The following FAM149B1 variants were observed in gnomAD, a reference collection of about 807,000 sequenced individuals.
The protein encoded by FAM149B1 is family with sequence similarity 149 member B1.
Under a neutral mutation model 75.3 loss-of-function variants are expected in FAM149B1, and 56 were observed. The ratio of observed to expected loss-of-function variants is 0.74; its 90% confidence interval spans 0.60 to 0.93. FAM149B1 has a LOEUF of 0.93. Among genes scored for constraint, FAM149B1 ranks in the 40% least tolerant of loss-of-function variants. The pLI, the probability that FAM149B1 is intolerant of heterozygous loss-of-function variation, is 0.00. For synonymous variants in FAM149B1, 259 were observed against 256.1 expected (o/e 1.01, Z -0.11); for missense variants, 639 against 708.4 (o/e 0.90, Z 1.11).
chr10:73,198,746 A>G (rs183645173), intron 5 of FAM149B1, among the ~76,000 whole-genome samples: 211 of 152,320 alleles, frequency 1.4e-3, no homozygotes, highest in African/African-American at 4.9e-3. Context: ...CGGAGGTTGC[A>G]GTGAGTCGAG....
chr10:73,242,433 TG>T lies in FAM149B1; in HGVS notation c.*1415del, dbSNP rs1378945958. ...AAAGTTAAAGAATCAGAAAGGGGCC[TG>T]TAAGAAGTCATTTAGCCCAATTCCC... On this transcript the variant is annotated 3_prime_UTR_variant, in exon 14 of 14. Transcript: ENST00000242505. 6.6e-6 allele frequency: 1 copy of T among 152,214 alleles called. No homozygotes were observed. The highest frequency in any genetic ancestry group is 2.4e-5 in the African/African-American group (1 of 41,462). 9.4% of individuals were successfully genotyped at this position (152,214 alleles called of 1,614,324 possible).
At chr10:73,174,203 G>T (rs1843840645) in intron 1 of FAM149B1, among the ~76,000 whole-genome samples, 1 of 152,094 alleles carries the variant, frequency 6.6e-6, no homozygotes, top group Non-Finnish European at 1.5e-5. Context: ...CTAGGGCTCT[G>T]GGTAAATGCA....
In FAM149B1 at chr10:73,243,230, T is replaced by C. The variant is rs979950599; in HGVS notation, c.*2211T>C. 5.2e-5 allele frequency: 35 copies of C among 676,208 alleles called. No homozygotes were observed. The highest frequency in any genetic ancestry group is 7.4e-5 in the Non-Finnish European group (30 of 404,272). The allele number at this position is 676,208 out of a possible 1,614,324, so 41.9% of individuals were successfully genotyped here. A position where few individuals can be genotyped will look rare whatever the true frequency, so the allele number is the denominator to read the frequency against. ...ACAATGTCAAGTGCTTTCTAGGAAATACTAAGATCAGGTTGAGAGATTCTG... is the reference window on the plus strand; with the variant it reads ...ACAATGTCAAGTGCTTTCTAGGAAACACTAAGATCAGGTTGAGAGATTCTG... On this transcript the variant is annotated 3_prime_UTR_variant, in exon 14 of 14. Coordinates refer to ENST00000242505, the MANE Select transcript of FAM149B1 (RefSeq NM_173348.2).
At chr10:73,172,277 A>G (rs1311304412) in intron 1 of FAM149B1, among the ~76,000 whole-genome samples, 3 of 152,226 alleles carry the variant, frequency 2.0e-5, no homozygotes, top group East Asian at 3.8e-4. Context: ...AATTTGAGAA[A>G]TAATTTAAAG....
At chr10:73,227,608 TGAA>T (rs2043581659) in intron 7 of FAM149B1, among the ~76,000 whole-genome samples, 1 of 152,334 alleles carries the variant, frequency 6.6e-6, no homozygotes, top group East Asian at 1.9e-4. Flanking sequence ...TCTGGATTAA[TGAA>T]GGTTTCCCTA....
chr10:73,221,669 G>A (rs1486117116), intron 7 of FAM149B1, among the ~76,000 whole-genome samples: 1 of 151,876 alleles, frequency 6.6e-6, no homozygotes. Context: ...TCATAGATTT[G>A]TAGGTTTGTT....
chr10:73,211,995 A>G (rs2043194500), intron 7 of FAM149B1, among the ~76,000 whole-genome samples: 1 of 152,142 alleles, frequency 6.6e-6, no homozygotes, highest in Admixed American at 6.5e-5. Flanking sequence ...TACACTCTGT[A>G]TGTCCATGTG....
chr10:73,244,255 G>A lies in FAM149B1; in HGVS notation c.*3236G>A. 1 of 241,834 alleles carries A rather than the reference G, an allele frequency of 4.1e-6. No individual in the cohort carries two copies. The highest frequency in any genetic ancestry group is 2.3e-5 in the African/African-American group (1 of 43,388). The allele number at this position is 241,834 out of a possible 1,614,324, so 15.0% of individuals were successfully genotyped here. A position where few individuals can be genotyped will look rare whatever the true frequency, so the allele number is the denominator to read the frequency against. On this transcript the variant is annotated 3_prime_UTR_variant, in exon 14 of 14. Coordinates refer to ENST00000242505, the MANE Select transcript of FAM149B1 (RefSeq NM_173348.2). ...TCACAACTGTAATCCCCATACCTTGGGAGGCCAAGGTGGGAGGATCACTTG... is the reference window on the plus strand; with the variant it reads ...TCACAACTGTAATCCCCATACCTTGAGAGGCCAAGGTGGGAGGATCACTTG...
At chr10:73,230,871 A>C (rs1324638702) in intron 9 of FAM149B1, 1 of 173,342 alleles carries the variant, frequency 5.8e-6, no homozygotes, top group Non-Finnish European at 1.2e-5. Flanking sequence ...GGATAAGCAA[A>C]GGAGAGCAGC....
chr10:73,200,654 A>G (rs1329630018), intron 5 of FAM149B1: 5 of 554,690 alleles, frequency 9.0e-6, no homozygotes, highest in East Asian at 4.5e-5. Context: ...GCTTTCTGCC[A>G]TGATGCCAAC....
chr10:73,174,978 C>A (rs573214946), intron 2 of FAM149B1, among the ~76,000 whole-genome samples, 187 bp downstream of exon 2: 2 of 152,086 alleles, frequency 1.3e-5, no homozygotes, highest in Non-Finnish European at 2.9e-5. Flanking sequence ...ATTTTCATAA[C>A]CTTTGAGAAG....
chr10:73,224,094 G>C (rs74758445), intron 7 of FAM149B1, among the ~76,000 whole-genome samples: 1 of 152,032 alleles, frequency 6.6e-6, no homozygotes, highest in East Asian at 1.9e-4. Context: ...TCATGAAATG[G>C]AGCTGGAGGA....
intron 13 of FAM149B1, among the ~76,000 whole-genome samples, chr10:73,240,352 T>C (rs866700397): frequency 9.8e-5 from 15 of 152,328 alleles, no homozygotes; most frequent in Admixed American, 3.3e-4. Flanking sequence ...CTGGTAGTCT[T>C]TGAATGCTTT....
intron 8 of FAM149B1, 68 bp downstream of exon 8, chr10:73,228,252 GT>G: frequency 7.3e-7 from 1 of 1,364,010 alleles, no homozygotes; most frequent in Non-Finnish European, 1.0e-6. Context: ...GCTCAGAGTT[GT>G]TTGCCTTACT....
At chr10:73,177,159 G>A (rs577214267) in intron 2 of FAM149B1, among the ~76,000 whole-genome samples, 21 of 151,886 alleles carry the variant, frequency 1.4e-4, no homozygotes, top group African/African-American at 3.9e-4. Context: ...AGCTGATTTC[G>A]CACCACTGCA....
At chr10:73,212,777 C>CAT (rs60332249) in intron 7 of FAM149B1, among the ~76,000 whole-genome samples, 15,678 of 152,042 alleles carry the variant, frequency 0.1, 1,171 homozygotes, top group East Asian at 0.31. Flanking sequence ...AGTCGTTTTT[C>CAT]ATGTTTGTTG....
chr10:73,233,045 A>G lies in FAM149B1; in HGVS notation c.1234A>G (p.Thr412Ala). 6.4e-7 allele frequency: 1 copy of G among 1,551,746 alleles called. No individual in the cohort carries two copies. Among genetic ancestry groups the G allele is most frequent in the South Asian group, 1.2e-5 (1 of 84,058 alleles). Residue 412 changes from threonine to alanine, a missense_variant, in exon 10 of 14, where the codon ACA becomes GCA. Transcript: ENST00000242505. ...VEFSTSSLSY[T>A]VQSTRRRNPP... ...GTTTAGTACATCATCTCTGTCATAC[A>G]CAGTGCAGTCCACCAGGAGACGCAA...
At chr10:73,214,989 TTTG>T (rs552043485) in intron 7 of FAM149B1, among the ~76,000 whole-genome samples, 2 of 152,040 alleles carry the variant, frequency 1.3e-5, no homozygotes, top group East Asian at 1.9e-4. Context: ...CTATCTGGTT[TTTG>T]TTGTTGTTGT....
In FAM149B1 at chr10:73,171,777, C is replaced by T. The variant is rs974758358; in HGVS notation, c.48-2910C>T. 1.6e-4 allele frequency among the ~76,000 whole-genome samples: 24 copies of T among 151,750 alleles called. 1 individual carries two copies. The highest frequency in any genetic ancestry group is 1.6e-3 in the Admixed American group (24 of 15,216). The stretch of plus-strand genomic sequence containing the variant: ...CCGAGTAGCTGGGACTACAGGTGCC[C>T]GCCACCATGCCCAGCTAATTTTTTG... On this transcript the variant is annotated intron_variant, in intron 1 of 13. Coordinates refer to ENST00000242505, the MANE Select transcript of FAM149B1 (RefSeq NM_173348.2).
Sources: gnomAD v4.1 joint callset for allele counts (sites outside exome capture counted in the v4.1 genomes callset) on GRCh38, gnomAD v4.1.1 for gene constraint, MANE v1.5 for transcripts, NCBI Gene and HGNC (gene_info 2026-07-23, HGNC 2026-07-21) for gene names.